Variants in ACACA observed in about 807,000 individuals in gnomAD.
The protein encoded by ACACA is acetyl-CoA carboxylase alpha.
ACACA carries 103 observed loss-of-function variants against 296.1 expected under a neutral mutation model. The ratio of observed to expected loss-of-function variants is 0.35; its 90% CI spans 0.30 to 0.41. ACACA has a LOEUF of 0.41. Ranked by LOEUF, ACACA falls within the 10% of genes least tolerant of loss-of-function variation. The pLI is 1.00. For synonymous variants in ACACA, 953 were observed against 1,038.6 expected, an observed-to-expected ratio of 0.92 and a Z score of 1.58; for missense variants, 1,554 against 2,989.7, an observed-to-expected ratio of 0.52 and a Z score of 11.20.
chr17:37,260,294 ATATTTTTTTT>A (rs1467181413), intron 11 of ACACA, among the ~76,000 whole-genome samples: 3 of 14,710 alleles, frequency 2.0e-4, no homozygotes, highest in African/African-American at 7.7e-4. Context: ...ATATATATAT[ATATTTTTTTT>A]TTTTTTTTTT....
At chr17:37,145,001 C>T (rs1166949461) in intron 45 of ACACA, among the ~76,000 whole-genome samples, 1 of 152,162 alleles carries the variant, frequency 6.6e-6, no homozygotes, top group Non-Finnish European at 1.5e-5. Flanking sequence ...TGCTCTCTCT[C>T]CCCAAGTCTG....
At chr17:37,324,037 C>T (rs2047474870) in intron 3 of ACACA, among the ~76,000 whole-genome samples, 1 of 152,142 alleles carries the variant, frequency 6.6e-6, no homozygotes, top group African/African-American at 2.4e-5. Flanking sequence ...TCAAGACCAG[C>T]CTGGCCAACA....
At chr17:37,125,074 A>AAT (rs2074713743) in intron 48 of ACACA, among the ~76,000 whole-genome samples, 1 of 152,196 alleles carries the variant, frequency 6.6e-6, no homozygotes, top group African/African-American at 2.4e-5. Flanking sequence ...AGCAAGCACT[A>AAT]CAGATTATTT....
At chr17:37,348,808 G>T (rs1050645794) in intron 1 of ACACA, among the ~76,000 whole-genome samples, 9 of 151,730 alleles carry the variant, frequency 5.9e-5, no homozygotes, top group African/African-American at 2.2e-4. Flanking sequence ...AATTAGCCGG[G>T]GGTGGTGGTG....
In ACACA at chr17:37,188,360, T is replaced by C. The variant is rs760357564; in HGVS notation, c.4693A>G (p.Ile1565Val). 1.9e-6 allele frequency: 3 copies of C among 1,614,178 alleles called. No homozygotes were observed. Among genetic ancestry groups the C allele is most frequent in the East Asian group, 4.5e-5 (2 of 44,872 alleles). Residue 1565 changes from isoleucine (I) to valine (V), a missense_variant, in exon 39 of 56, where the codon ATC (isoleucine) becomes GTC (valine). This residue lies in a region of ACACA where 553 missense variants were observed against 1,043.6 expected (regional missense o/e 0.53). Coordinates refer to ENST00000616317, the MANE Select transcript of ACACA (RefSeq NM_198834.3). The part of the protein sequence containing the change: ...RLTPTGKAIP[I>V]RLFLTNESGY... ...GACTCGTTTGTCAGGAAGAGGCGGA[T>C]GGGAATTGCTTTTCCAGTTGGCGTC...
rs374805123 is a variant in ACACA, at chr17:37,191,060, T to C, written c.4572+60A>G. 7 of 1,585,404 alleles carry C rather than the reference T, an allele frequency of 4.4e-6. No individual in the cohort carries two copies. In the East Asian group the frequency reaches 1.1e-4, roughly 25 times the overall value. ...TTTCCAAGTCCAAGTGAGATAAATATGAATGAACTTCTGTGCTTATGCTTG... is the reference window on the plus strand; with the variant it reads ...TTTCCAAGTCCAAGTGAGATAAATACGAATGAACTTCTGTGCTTATGCTTG... On this transcript the variant is annotated intron_variant, in intron 38 of 55. Transcript: ENST00000616317.
In ACACA at chr17:37,217,938, T is replaced by C. The variant is rs184868536; in HGVS notation, c.3683+3786A>G. Among the ~76,000 whole-genome samples the C allele has an allele frequency of 2.8e-3, 418 of 151,904 alleles. 1 individual carries two copies. The highest frequency in any genetic ancestry group is 4.4e-3 in the Non-Finnish European group (300 of 67,942). On this transcript the variant is annotated intron_variant, in intron 29 of 55. Transcript: ENST00000616317. The stretch of plus-strand genomic sequence containing the variant: ...AAAAAAATTGGTTTGTTAACCTCAA[T>C]TGGGAAAAATATAAAATTCTGTTTT...
intron 10 of ACACA, among the ~76,000 whole-genome samples, chr17:37,266,244 T>C (rs1335279821): frequency 1.3e-5 from 2 of 151,916 alleles, no homozygotes; most frequent in African/African-American, 4.8e-5. Flanking sequence ...TGAAACCTCA[T>C]CTCTAGTCAA....
rs2051513710 is a variant in ACACA at position 37,406,446 on chromosome 17, A to T, written c.-147T>A. 4.4e-6 allele frequency: 4 copies of T among 917,910 alleles called. No homozygotes were observed. In the African/African-American group the frequency reaches 5.7e-5, roughly 13 times the overall value. 56.9% of individuals were successfully genotyped at this position (917,910 alleles called of 1,614,324 possible). ...AAATCAGTCTGGTTCATCCACGAGC[A>T]GCCCTTCGGGGCCCGGACTGGAGAG... On this transcript the variant is annotated 5_prime_UTR_variant, in exon 1 of 56. Coordinates refer to ENST00000616317, the MANE Select transcript of ACACA (RefSeq NM_198834.3).
In ACACA at chr17:37,364,081, C is replaced by T. The variant is rs1416706461; in HGVS notation, c.39-24231G>A. On this transcript the variant is annotated intron_variant, in intron 1 of 55. Coordinates refer to ENST00000616317, the MANE Select transcript of ACACA (RefSeq NM_198834.3). ...GAGGTTGCAGTGAGCCGAGATCGTG[C>T]CACTGCACTCTAGCCTGGGTGACAG... 4.6e-5 allele frequency among the ~76,000 whole-genome samples: 7 copies of T among 151,880 alleles called. 1 individual carries two copies. Among genetic ancestry groups the T allele is most frequent in the African/African-American group, 1.7e-4 (7 of 41,312 alleles).
At chr17:37,359,729 C>T (rs543773895) in intron 1 of ACACA, among the ~76,000 whole-genome samples, 1 of 152,152 alleles carries the variant, frequency 6.6e-6, no homozygotes, top group Non-Finnish European at 1.5e-5. Flanking sequence ...TGGGCAATCG[C>T]GTCCACTACC....
chr17:37,195,235 ATGTT>A (rs1289413101), intron 35 of ACACA, among the ~76,000 whole-genome samples: 8 of 152,300 alleles, frequency 5.3e-5, no homozygotes, highest in East Asian at 1.9e-4. Flanking sequence ...ATTAATTAAA[ATGTT>A]TGTTTAGGAT....
At chr17:37,118,518 G>T (rs12950056) in intron 50 of ACACA, among the ~76,000 whole-genome samples, 11 of 152,166 alleles carry the variant, frequency 7.2e-5, no homozygotes, top group Non-Finnish European at 1.5e-4. Flanking sequence ...GAAGTAGGTG[G>T]ATAATAACTT....
intron 54 of ACACA, among the ~76,000 whole-genome samples, chr17:37,096,542 T>C (rs569987389): frequency 3.3e-5 from 5 of 152,320 alleles, no homozygotes; most frequent in Admixed American, 3.3e-4. Flanking sequence ...CAAGGCTTCT[T>C]AGACTCTCCT....
At chr17:37,390,330 A>ATATATATCTATATCTATATC (rs1386032855) in intron 1 of ACACA, among the ~76,000 whole-genome samples, 2 of 41,592 alleles carry the variant, frequency 4.8e-5, no homozygotes, top group African/African-American at 2.6e-4. Context: ...ATATATATAT[A>ATATATATCTATATCTATATC]TATAAAAGGC....
At chr17:37,328,790 G>A (rs2047730801) in intron 3 of ACACA, 2 of 398,094 alleles carry the variant, frequency 5.0e-6, no homozygotes, top group African/African-American at 4.1e-5. Context: ...GTTATCTAGG[G>A]TACACCTATA....
intron 41 of ACACA, among the ~76,000 whole-genome samples, chr17:37,166,495 C>A (rs2076673582): frequency 6.6e-6 from 1 of 152,090 alleles, no homozygotes; most frequent in African/African-American, 2.4e-5. Flanking sequence ...AGAACATTGC[C>A]ACTTATATTT....
intron 1 of ACACA, among the ~76,000 whole-genome samples, chr17:37,404,049 A>G (rs916484599): frequency 1.3e-5 from 2 of 152,216 alleles, no homozygotes; most frequent in African/African-American, 4.8e-5. Context: ...CTGGGATTAC[A>G]GGAATGAGCC....
intron 31 of ACACA, 31 bp downstream of exon 31, chr17:37,207,626 C>T (rs1196048238): frequency 1.2e-6 from 2 of 1,613,326 alleles, no homozygotes; most frequent in African/African-American, 1.3e-5. Flanking sequence ...CATGGCTCCC[C>T]TTGTACAGAC....
Sources: allele counts gnomAD v4.1 joint callset (sites outside exome capture counted in the v4.1 genomes callset), GRCh38; gene constraint gnomAD v4.1.1; regional missense constraint gnomAD v4.1.1; transcripts MANE v1.5; gene names NCBI Gene and HGNC (gene_info 2026-07-23, HGNC 2026-07-21).